ANKRD55: variants seen among roughly 807,000 people sequenced by gnomAD.
ANKRD55 encodes ankyrin repeat domain-containing protein 55.
In ANKRD55, 41 loss-of-function variants were observed where a neutral mutation model predicts 60.6. That is an observed-to-expected ratio of 0.68 (90% confidence interval 0.53 to 0.88). The LOEUF (loss-of-function observed/expected upper bound fraction) is 0.88, where lower values mean the gene tolerates loss of function less well. ANKRD55 is among the 40% of genes least tolerant of loss of function. The probability of loss-of-function intolerance (pLI) is 0.00; values close to 1 mark genes in which losing one functional copy is unlikely to be tolerated. For missense variants in ANKRD55, 732 were observed against 767.6 expected (o/e 0.95, Z 0.55); for synonymous variants, 264 against 290.3 (o/e 0.91, Z 0.92).
At chr5:56,102,439 T>G in intron 11 of ANKRD55, 55 bp downstream of exon 11, 3 of 1,188,548 alleles carry the variant, frequency 2.5e-6, no homozygotes, top group Non-Finnish European at 3.7e-6. Flanking sequence ...CATTTAGTTG[T>G]GTCTAGATAT....
At chr5:56,224,015 C>G (rs1298721047) in intron 2 of ANKRD55, among the ~76,000 whole-genome samples, 8 of 152,154 alleles carry the variant, frequency 5.3e-5, no homozygotes, top group Admixed American at 5.2e-4. Flanking sequence ...ACTCTCCACC[C>G]CAAATCAACA....
At chr5:56,154,584 GTTT>G (rs368083555) in intron 6 of ANKRD55, among the ~76,000 whole-genome samples, 1 of 134,762 alleles carries the variant, frequency 7.4e-6, no homozygotes. Context: ...TAGTTTTAAA[GTTT>G]TTTTTTTTTT....
chr5:56,199,228 G>A (rs1370446809), intron 2 of ANKRD55, among the ~76,000 whole-genome samples: 2 of 152,172 alleles, frequency 1.3e-5, no homozygotes, highest in South Asian at 2.1e-4. Context: ...GGGTTGAATT[G>A]TGCTCTATTT....
At chr5:56,142,121 A>G (rs1204749643) in intron 7 of ANKRD55, among the ~76,000 whole-genome samples, 1 of 152,154 alleles carries the variant, frequency 6.6e-6, no homozygotes, top group African/African-American at 2.4e-5. Context: ...CGAGGTCAGG[A>G]GTTCAAGACC....
chr5:56,193,063 A>G lies in ANKRD55; in HGVS notation c.59-9429T>C, dbSNP rs947960778. The stretch of plus-strand genomic sequence containing the variant: ...GGTTTTTGAAAGCAGATGATGACAC[A>G]TATTTCATACTAGATAATTTGAGAT... On this transcript the variant is annotated intron_variant, in intron 2 of 11. Transcript: ENST00000341048. 16 of 843,256 alleles carry G rather than the reference A, an allele frequency of 1.9e-5. No homozygotes were observed. The Admixed American group carries it at 2.6e-4, about 14-fold the overall frequency. 52.2% of individuals were successfully genotyped at this position (843,256 alleles called of 1,614,324 possible).
chr5:56,137,136 C>T (rs1040156531), intron 7 of ANKRD55: 11 of 1,359,430 alleles, frequency 8.1e-6, no homozygotes, highest in Non-Finnish European at 9.5e-6. Flanking sequence ...TGTCACTTTA[C>T]AGAAACAGTG....
chr5:56,154,182 C>T lies in ANKRD55; in HGVS notation c.483+5651G>A, dbSNP rs1758131589. Among the ~76,000 whole-genome samples the T allele has an allele frequency of 6.6e-5, 7 of 106,522 alleles. No individual in the cohort carries two copies. The South Asian group carries it at 2.2e-3, about 33-fold the overall frequency. 69.9% of individuals were successfully genotyped at this position (106,522 alleles called of 152,430 possible). ...CACCACTGCACTCCAGCCTGGGCAA[C>T]AGAGTAAGACTCTGTCTCAAAAAAA... is the stretch of plus-strand genomic sequence containing the variant. On this transcript the variant is annotated intron_variant, in intron 6 of 11. Transcript: ENST00000341048.
chr5:56,222,239 T>C (rs1759984340), intron 2 of ANKRD55, among the ~76,000 whole-genome samples: 1 of 152,192 alleles, frequency 6.6e-6, no homozygotes, highest in African/African-American at 2.4e-5. Flanking sequence ...AAACAGAGTC[T>C]GGAGTGGACC....
chr5:56,206,801 C>T (rs1307031491), intron 2 of ANKRD55, among the ~76,000 whole-genome samples: 1 of 152,166 alleles, frequency 6.6e-6, no homozygotes, highest in Non-Finnish European at 1.5e-5. Context: ...GAAAGGTCCT[C>T]ACAGCTGCAA....
intron 2 of ANKRD55, among the ~76,000 whole-genome samples, chr5:56,224,042 CA>C (rs1760041414): frequency 6.6e-6 from 1 of 152,210 alleles, no homozygotes; most frequent in South Asian, 2.1e-4. Context: ...ACATTCTTCT[CA>C]GCACCACACC....
At position 56,156,003 on chromosome 5, in the gene ANKRD55, G is replaced by A. The variant is rs1758185630; in HGVS notation, c.483+3830C>T. On this transcript the variant is annotated intron_variant, in intron 6 of 11. Transcript: ENST00000341048. ...TTCAGTGATTTAAAGCAAAACCTCA[G>A]GGGAAAAGAGGGTTGCACTGTTAGA... Among the ~76,000 whole-genome samples the A allele has an allele frequency of 3.3e-5, 5 of 152,034 alleles. 1 individual carries two copies. The South Asian group carries it at 1.0e-3, about 32-fold the overall frequency.
At chr5:56,170,122 T>C (rs6867725) in intron 5 of ANKRD55, among the ~76,000 whole-genome samples, 25,056 of 152,208 alleles carry the variant, frequency 0.16, 3,768 homozygotes, top group African/African-American at 0.4. Context: ...ATCTCCCTGC[T>C]GCTGACTCCT....
At chr5:56,155,197 T>C (rs1443285682) in intron 6 of ANKRD55, among the ~76,000 whole-genome samples, 1 of 148,828 alleles carries the variant, frequency 6.7e-6, no homozygotes, top group East Asian at 2.0e-4. Context: ...CACTCCAGTC[T>C]GAGTGACAGA....
At chr5:56,173,975 T>A (rs908867989) in intron 4 of ANKRD55, among the ~76,000 whole-genome samples, 1 of 152,166 alleles carries the variant, frequency 6.6e-6, no homozygotes, top group African/African-American at 2.4e-5. Context: ...AATTCTTGAA[T>A]TTGAACATTG....
At chr5:56,188,987 G>A (rs1759033413) in intron 2 of ANKRD55, among the ~76,000 whole-genome samples, 1 of 152,030 alleles carries the variant, frequency 6.6e-6, no homozygotes, top group African/African-American at 2.4e-5. Context: ...ATTCTTAACT[G>A]GTCAGTGTCA....
intron 8 of ANKRD55, among the ~76,000 whole-genome samples, chr5:56,121,221 G>A (rs1045287324): frequency 1.3e-5 from 2 of 152,052 alleles, no homozygotes; most frequent in Non-Finnish European, 2.9e-5. Flanking sequence ...AGTGGGGTGG[G>A]GGGCTTTAAA....
Position 56,106,420 on chromosome 5 carries a change from C to CTTTTTTTTTTTTTTTTTTTT in ANKRD55, c.1631-3854_1631-3835dup, listed in dbSNP as rs71602938. Among the ~76,000 whole-genome samples, 99 of 96,910 alleles carry CTTTTTTTTTTTTTTTTTTTT rather than the reference C, an allele frequency of 1.0e-3. 11 individuals are homozygous for CTTTTTTTTTTTTTTTTTTTT. The highest frequency in any genetic ancestry group is 4.4e-3 in the African/African-American group (76 of 17,134). The allele number at this position is 96,910 out of a possible 152,430, so 63.6% of individuals were successfully genotyped here. A position where few individuals can be genotyped will look rare whatever the true frequency, so the allele number is the denominator to read the frequency against. ...AATAAAATCCGTAAGGCTAGGAAAG[C>CTTTTTTTTTTTTTTTTTTTT]TTTTTTTTTTTTTTTTTTTTTTTGA... On this transcript the variant is annotated intron_variant, in intron 10 of 11. Coordinates refer to ENST00000341048, the MANE Select transcript of ANKRD55 (RefSeq NM_024669.3).
At chr5:56,157,810 A>ACCGGAG (rs1758230474) in intron 6 of ANKRD55, among the ~76,000 whole-genome samples, 1 of 152,298 alleles carries the variant, frequency 6.6e-6, no homozygotes, top group African/African-American at 2.4e-5. Context: ...GAACTCAGAG[A>ACCGGAG]CCGGAGCCGG....
chr5:56,219,741 G>A (rs1759915889), intron 2 of ANKRD55, among the ~76,000 whole-genome samples: 2 of 152,140 alleles, frequency 1.3e-5, no homozygotes, highest in African/African-American at 4.8e-5. Flanking sequence ...ACGAACCTTT[G>A]ACCTCAGTGC....
Sources: gnomAD v4.1 joint callset for allele counts (sites outside exome capture counted in the v4.1 genomes callset) on GRCh38, gnomAD v4.1.1 for gene constraint, MANE v1.5 for transcripts, NCBI Gene and HGNC (gene_info 2026-07-23, HGNC 2026-07-21) for gene names.